TDRD12: variants seen among roughly 807,000 people sequenced by gnomAD.
The protein encoded by TDRD12 is tudor domain containing 12, also known as putative ATP-dependent RNA helicase TDRD12.
In TDRD12, 158 loss-of-function variants were observed where a neutral mutation model predicts 133.5. The observed-to-expected ratio is 1.18, with a 90% CI of 1.04 to 1.35. The LOEUF is 1.35. Among genes scored for constraint, TDRD12 ranks in the 40% most tolerant of loss-of-function variants. The pLI is 0.00. For synonymous variants in TDRD12, 460 were observed against 477.9 expected, an observed-to-expected ratio of 0.96 and a Z score of 0.49; for missense variants, 1,443 against 1,321.3, an observed-to-expected ratio of 1.09 and a Z score of -1.43.
chr19:32,783,748 T>C (rs1193698335), intron 11 of TDRD12, among the ~76,000 whole-genome samples: 4 of 152,144 alleles, frequency 2.6e-5, no homozygotes, highest in African/African-American at 9.7e-5. Flanking sequence ...AGTTCACTCA[T>C]GATTGGACTC....
intron 1 of TDRD12, among the ~76,000 whole-genome samples, chr19:32,720,549 T>C (rs1385549146): frequency 4.8e-3 from 5 of 1,048 alleles, no homozygotes; most frequent in African/African-American, 0.013. Context: ...CCCCAACCCA[T>C]CCCACTCCCA....
At chr19:32,811,125 T>C in intron 23 of TDRD12, 85 bp from the exon 24 acceptor site, 2 of 1,069,938 alleles carry the variant, frequency 1.9e-6, no homozygotes, top group Non-Finnish European at 2.6e-6. Flanking sequence ...AGTCTTTTTA[T>C]ATGTTTTCCA....
chr19:32,774,845 C>T (rs959741036), intron 10 of TDRD12, among the ~76,000 whole-genome samples: 2 of 151,924 alleles, frequency 1.3e-5, no homozygotes, highest in Non-Finnish European at 2.9e-5. Flanking sequence ...GTTAGCTGGG[C>T]GTGGTGGCAG....
chr19:32,806,055 CT>C (rs1804851289), intron 21 of TDRD12, among the ~76,000 whole-genome samples: 1 of 151,760 alleles, frequency 6.6e-6, no homozygotes, highest in Non-Finnish European at 1.5e-5. Flanking sequence ...TAGAATGAGC[CT>C]GTTAGTGTCT....
rs1969470941 is a variant in TDRD12, at chr19:32,742,780, G to A, written c.321-1G>A. ...GGAGCTGTTTCTGTTTTACTTTTTA[G>A]CATCCGAGTTGTAGTAGAATCGTTT... On this transcript the variant is annotated splice_acceptor_variant, in intron 3 of 27. Coordinates refer to ENST00000444215, the Ensembl canonical transcript of TDRD12. LOFTEE classifies it high-confidence loss of function. 2 of 1,550,606 alleles carry A rather than the reference G, an allele frequency of 1.3e-6. No homozygotes were observed. Among genetic ancestry groups the A allele is most frequent in the Non-Finnish European group, 1.7e-6 (2 of 1,146,694 alleles).
chr19:32,810,404 C>A, intron 23 of TDRD12, 127 bp downstream of exon 23: 4 of 719,422 alleles, frequency 5.6e-6, no homozygotes, highest in South Asian at 5.0e-5. Context: ...AGCGGGGTGT[C>A]CCCCCAGATG....
At chr19:32,723,344 G>A (rs1209556319) in intron 1 of TDRD12, among the ~76,000 whole-genome samples, 10 of 151,066 alleles carry the variant, frequency 6.6e-5, no homozygotes, top group African/African-American at 1.5e-4. Flanking sequence ...TCTGCCTCCC[G>A]GGTTCATGCC....
intron 2 of TDRD12, among the ~76,000 whole-genome samples, chr19:32,733,120 T>C (rs1969109334): frequency 6.6e-6 from 1 of 152,096 alleles, no homozygotes; most frequent in Non-Finnish European, 1.5e-5. Context: ...TGCAGTAAGC[T>C]GTGTTTGCGC....
chr19:32,767,241 G>A (rs1180233721), intron 8 of TDRD12, among the ~76,000 whole-genome samples: 1 of 151,756 alleles, frequency 6.6e-6, no homozygotes, highest in Admixed American at 6.6e-5. Context: ...CGATTCTCCT[G>A]CCTCAGCCTC....
chr19:32,763,635 A>T (rs568440260), intron 8 of TDRD12, among the ~76,000 whole-genome samples: 19 of 152,298 alleles, frequency 1.2e-4, no homozygotes, highest in African/African-American at 4.1e-4. Context: ...TCGAAGCACG[A>T]GATTTTCCTG....
intron 2 of TDRD12, among the ~76,000 whole-genome samples, chr19:32,734,477 C>A (rs1482542479): frequency 6.6e-6 from 1 of 151,542 alleles, no homozygotes; most frequent in African/African-American, 2.4e-5. Flanking sequence ...ATCGAGCAAT[C>A]CTCCCACCTC....
chr19:32,739,085 C>T, intron 3 of TDRD12, 93 bp downstream of exon 3: 1 of 1,430,374 alleles, frequency 7.0e-7, no homozygotes, highest in Non-Finnish European at 9.4e-7. Flanking sequence ...GGCTAGAGGT[C>T]ACTACACTGA....
Position 32,744,528 on chromosome 19 carries a change from A to G in TDRD12, c.440+1628A>G, listed in dbSNP as rs370515689. 4.8e-3 allele frequency among the ~76,000 whole-genome samples: 725 copies of G among 150,786 alleles called. 9 individuals are homozygous for G. The highest frequency in any genetic ancestry group is 0.016 in the African/African-American group (667 of 41,034). On this transcript the variant is annotated intron_variant, in intron 4 of 27. Coordinates refer to ENST00000444215, the Ensembl canonical transcript of TDRD12. ...AAAAAAAAAAAAAAAAAAAAAACAA[A>G]AGAATATAGATAAATCTGTATAAAA...
intron 2 of TDRD12, among the ~76,000 whole-genome samples, chr19:32,735,249 G>A (rs1969189404): frequency 1.3e-5 from 2 of 151,658 alleles, no homozygotes; most frequent in Admixed American, 6.6e-5. Flanking sequence ...GAAATTAAAA[G>A]TGCCACTCTG....
chr19:32,800,817 G>C, intron 18 of TDRD12, 45 bp downstream of exon 18: 1 of 1,480,926 alleles, frequency 6.8e-7, no homozygotes, highest in Non-Finnish European at 8.9e-7. Context: ...GTTTCAACTG[G>C]TCGAATCTCA....
chr19:32,731,285 T>TGG (rs1257498354), intron 1 of TDRD12, among the ~76,000 whole-genome samples: 1 of 152,166 alleles, frequency 6.6e-6, no homozygotes. Flanking sequence ...TCAGGCACAG[T>TGG]GGCTTATGTC....
chr19:32,754,876 C>T (rs917241931), intron 6 of TDRD12, among the ~76,000 whole-genome samples: 1 of 151,954 alleles, frequency 6.6e-6, no homozygotes, highest in African/African-American at 2.4e-5. Flanking sequence ...GGGGTTTCTC[C>T]ATGTTGGTCT....
At chr19:32,820,808 G>T (rs1967354555) in intron 27 of TDRD12, among the ~76,000 whole-genome samples, 1 of 152,138 alleles carries the variant, frequency 6.6e-6, no homozygotes, top group South Asian at 2.1e-4. Flanking sequence ...GAAGAGTGAA[G>T]GCCTGCCTGG....
chr19:32,726,129 G>A (rs1042988754), intron 1 of TDRD12, among the ~76,000 whole-genome samples: 4 of 150,666 alleles, frequency 2.7e-5, no homozygotes, highest in African/African-American at 4.9e-5. Context: ...CGCCCAGGCC[G>A]GAATGCAGTG....
Sources: allele counts gnomAD v4.1 joint callset (sites outside exome capture counted in the v4.1 genomes callset), GRCh38; gene constraint gnomAD v4.1.1; transcripts MANE v1.5; gene names NCBI Gene and HGNC (gene_info 2026-07-23, HGNC 2026-07-21).